ATP8A2: variants seen among roughly 807,000 people sequenced by gnomAD.
ATP8A2 encodes the protein phospholipid-transporting ATPase IB.
Under a neutral mutation model 165.6 loss-of-function variants are expected in ATP8A2, and 100 were observed. That is an observed-to-expected ratio of 0.60 (90% CI 0.51 to 0.71). The LOEUF is 0.71. Among genes scored for constraint, ATP8A2 ranks in the 30% least tolerant of loss-of-function variants. The pLI is 0.00. For synonymous variants in ATP8A2, 543 were observed against 548.8 expected (o/e 0.99, Z 0.15); for missense variants, 1,227 against 1,479.5 (o/e 0.83, Z 2.80).
At chr13:25,602,231 G>A (rs1028007508) in intron 24 of ATP8A2, among the ~76,000 whole-genome samples, 2 of 152,178 alleles carry the variant, frequency 1.3e-5, no homozygotes, top group African/African-American at 4.8e-5. Context: ...TAAGGTCAGA[G>A]AGACAATTAT....
At chr13:25,480,524 C>T (rs1231352441) in intron 2 of ATP8A2, among the ~76,000 whole-genome samples, 13 of 147,546 alleles carry the variant, frequency 8.8e-5, no homozygotes, top group Non-Finnish European at 1.6e-4. Context: ...GACGGGGCGG[C>T]GGGGCAAAGG....
At chr13:26,004,226 T>A (rs965674521) in intron 35 of ATP8A2, among the ~76,000 whole-genome samples, 7 of 152,158 alleles carry the variant, frequency 4.6e-5, no homozygotes, top group African/African-American at 1.7e-4. Context: ...TATAGTCTTT[T>A]ACCCCTTGAT....
intron 25 of ATP8A2, among the ~76,000 whole-genome samples, chr13:25,738,348 C>CA (rs200368400): frequency 0.036 from 3,921 of 108,990 alleles, 81 homozygotes; most frequent in Non-Finnish European, 0.057. Flanking sequence ...CCTCCCCCCC[C>CA]CCCACACACA....
At chr13:25,719,553 T>C (rs2138024165) in intron 25 of ATP8A2, among the ~76,000 whole-genome samples, 1 of 152,286 alleles carries the variant, frequency 6.6e-6, no homozygotes, top group East Asian at 1.9e-4. Flanking sequence ...GAACATTTGT[T>C]ACTCACCTCA....
intron 33 of ATP8A2, among the ~76,000 whole-genome samples, chr13:25,955,229 G>A (rs1475777712): frequency 6.6e-6 from 1 of 152,120 alleles, no homozygotes; most frequent in African/African-American, 2.4e-5. Context: ...AGAAGCAAGA[G>A]CAAACAAATT....
intron 35 of ATP8A2, among the ~76,000 whole-genome samples, chr13:25,997,723 A>G (rs1956541636): frequency 6.6e-6 from 1 of 152,138 alleles, no homozygotes; most frequent in South Asian, 2.1e-4. Flanking sequence ...GAGCCCATCC[A>G]CTGAGGTTTT....
intron 24 of ATP8A2, among the ~76,000 whole-genome samples, chr13:25,615,409 TAA>T (rs1204270585): frequency 6.6e-6 from 1 of 152,054 alleles, no homozygotes; most frequent in African/African-American, 2.4e-5. Context: ...CAAATGGCAC[TAA>T]GTTTATTTCC....
chr13:25,771,154 G>A (rs2044610477), intron 26 of ATP8A2, among the ~76,000 whole-genome samples: 1 of 152,230 alleles, frequency 6.6e-6, no homozygotes, highest in South Asian at 2.1e-4. Context: ...TTCTGAAGTA[G>A]GTAAGAGAAG....
intron 27 of ATP8A2, among the ~76,000 whole-genome samples, chr13:25,824,939 T>C (rs2138585698): frequency 6.6e-6 from 1 of 152,106 alleles, no homozygotes; most frequent in East Asian, 1.9e-4. Context: ...TATTTTATCC[T>C]CTAAATTAGA....
intron 30 of ATP8A2, among the ~76,000 whole-genome samples, chr13:25,843,112 C>A (rs1228250594): frequency 6.6e-6 from 1 of 152,140 alleles, no homozygotes; most frequent in Non-Finnish European, 1.5e-5. Context: ...CTCTCCTGCC[C>A]TCTGGAGGCT....
chr13:25,520,905 T>C (rs955738636), intron 2 of ATP8A2, among the ~76,000 whole-genome samples: 2 of 152,204 alleles, frequency 1.3e-5, no homozygotes, highest in Non-Finnish European at 1.5e-5. Context: ...TGAGCCACCG[T>C]GCCGGCCCTA....
intron 1 of ATP8A2, among the ~76,000 whole-genome samples, chr13:25,448,954 C>T (rs955832558): frequency 2.0e-5 from 3 of 152,260 alleles, no homozygotes; most frequent in East Asian, 1.9e-4. Context: ...CGTGAGCCAC[C>T]GTGCCCAGCC....
At chr13:25,624,458 A>G (rs761996704) in intron 24 of ATP8A2, among the ~76,000 whole-genome samples, 26 of 152,082 alleles carry the variant, frequency 1.7e-4, no homozygotes, top group Non-Finnish European at 2.9e-4. Flanking sequence ...TTTCACTTCA[A>G]TGTAATTTAT....
At chr13:25,574,381 C>T (rs1246941900) in intron 18 of ATP8A2, among the ~76,000 whole-genome samples, 1 of 152,176 alleles carries the variant, frequency 6.6e-6, no homozygotes, top group African/African-American at 2.4e-5. Flanking sequence ...AATCTCATTT[C>T]CTGATATGCA....
intron 1 of ATP8A2, among the ~76,000 whole-genome samples, chr13:25,402,574 G>C (rs1007433199): frequency 2.8e-4 from 43 of 152,144 alleles, no homozygotes; most frequent in African/African-American, 9.2e-4. Context: ...TTCTTTCTTT[G>C]CCTGTTCAGC....
chr13:25,372,449 G>T lies in ATP8A2; in HGVS notation c.76+161G>T, dbSNP rs1385668338. Among the ~76,000 whole-genome samples the T allele has an allele frequency of 2.0e-5, 3 of 152,106 alleles. No individual in the cohort carries two copies. Among genetic ancestry groups the T allele is most frequent in the Non-Finnish European group, 4.4e-5 (3 of 67,996 alleles). ...GATCCGCCGACGCGGCGCGCTGGCC[G>T]CACGGGGGCTGGGCGTCGCTGCACC... is the stretch of plus-strand genomic sequence containing the variant. On this transcript the variant is annotated intron_variant, in intron 1 of 36. Transcript: ENST00000381655. The surrounding 1 kb of genome is among the most constrained non-coding windows in gnomAD (Gnocchi z 4.8).
At chr13:25,951,276 C>A (rs1464367940) in intron 33 of ATP8A2, among the ~76,000 whole-genome samples, 2 of 152,210 alleles carry the variant, frequency 1.3e-5, no homozygotes, top group East Asian at 3.8e-4. Flanking sequence ...AAATTGTGAT[C>A]TATTCGTGCA....
intron 25 of ATP8A2, among the ~76,000 whole-genome samples, chr13:25,737,219 C>T (rs184424293): frequency 1.4e-4 from 21 of 152,264 alleles, no homozygotes; most frequent in South Asian, 4.1e-4. Context: ...TATGAGGAAA[C>T]GGGTCCTCAG....
intron 2 of ATP8A2, among the ~76,000 whole-genome samples, chr13:25,514,793 G>A (rs2037412168): frequency 6.6e-6 from 1 of 152,090 alleles, no homozygotes; most frequent in African/African-American, 2.4e-5. Context: ...TGTCTCATGA[G>A]TCTCCTGAGC....
Sources: gnomAD v4.1 joint callset for allele counts (sites outside exome capture counted in the v4.1 genomes callset) on GRCh38, gnomAD v4.1.1 for gene constraint, Gnocchi (gnomAD v3.1) non-coding constraint, MANE v1.5 for transcripts, NCBI Gene and HGNC (gene_info 2026-07-23, HGNC 2026-07-21) for gene names.